Variants in BRD3OS observed in about 807,000 individuals in gnomAD.
The protein encoded by BRD3OS is BRD3 opposite strand.
In BRD3OS at chr9:134,029,184, G is replaced by A. The variant is rs577700326; in HGVS notation, c.*2182G>A. On this transcript the variant is annotated 3_prime_UTR_variant, in exon 3 of 3. Transcript: ENST00000603928. ...GCCTGGGAAGAAAGCAAACTCCAGA[G>A]GCAAATCTGGAATGCCTGTGTGCCA... is the stretch of plus-strand genomic sequence containing the variant. 20 of 152,448 alleles carry A rather than the reference G, an allele frequency of 1.3e-4. No homozygotes were observed. Among genetic ancestry groups the A allele is most frequent in the African/African-American group, 4.3e-4 (18 of 41,590 alleles). The allele number at this position is 152,448 out of a possible 1,614,324, so 9.4% of individuals were successfully genotyped here. A position where few individuals can be genotyped will look rare whatever the true frequency, so the allele number is the denominator to read the frequency against.
In BRD3OS at chr9:134,031,214, G is replaced by A. The variant is rs1036194728; in HGVS notation, c.*4212G>A. The A allele has an allele frequency of 3.2e-5, 7 of 218,784 alleles. No homozygotes were observed. The Admixed American group carries it at 4.1e-4, about 13-fold the overall frequency. 13.6% of individuals were successfully genotyped at this position (218,784 alleles called of 1,614,324 possible). ...ACGCCACCGTCACAGAGAACCAGCCGAGAAGGAAAGGCCCCACGATGCTCC... is the reference window on the plus strand; with the variant it reads ...ACGCCACCGTCACAGAGAACCAGCCAAGAAGGAAAGGCCCCACGATGCTCC... On this transcript the variant is annotated 3_prime_UTR_variant, in exon 3 of 3. Transcript: ENST00000603928.
chr9:134,030,910 T>A lies in BRD3OS; in HGVS notation c.*3908T>A, dbSNP rs913284950. On this transcript the variant is annotated 3_prime_UTR_variant, in exon 3 of 3. Coordinates refer to ENST00000603928, the MANE Select transcript of BRD3OS (RefSeq NM_001355256.2). ...TACTCCTCTCCCCTTGAAAAAAGCA[T>A]GTTAGAAGCTGCCCTACAGGTCTCA... 4.3e-6 allele frequency: 1 copy of A among 230,906 alleles called. No homozygotes were observed. Among genetic ancestry groups the A allele is most frequent in the Non-Finnish European group, 8.6e-6 (1 of 116,698 alleles). 14.3% of individuals were successfully genotyped at this position (230,906 alleles called of 1,614,324 possible).
At position 134,031,167 on chromosome 9, in the gene BRD3OS, T is replaced by A. The variant is rs913400758; in HGVS notation, c.*4165T>A. On this transcript the variant is annotated 3_prime_UTR_variant, in exon 3 of 3. Coordinates refer to ENST00000603928, the MANE Select transcript of BRD3OS (RefSeq NM_001355256.2). ...TCAGGGTCAGTGGCTTCTTTCTAGA[T>A]GAAAGGAGCAGAGGCGAGCCGACGC... is the stretch of plus-strand genomic sequence containing the variant. The A allele has an allele frequency of 4.0e-5, 9 of 225,298 alleles. No individual in the cohort carries two copies. The highest frequency in any genetic ancestry group is 6.7e-5 in the African/African-American group (3 of 44,766). The allele number at this position is 225,298 out of a possible 1,614,324, so 14.0% of individuals were successfully genotyped here.
Position 134,028,498 on chromosome 9 carries a change from C to G in BRD3OS, c.*1496C>G, listed in dbSNP as rs1277561067. Reference sequence around the variant, plus strand: ...CTGCCTCCTGGGTTCAGGCGATTCTCCTGCCTCAGCCTCCTGAGTAGCTGG... The same window carrying G: ...CTGCCTCCTGGGTTCAGGCGATTCTGCTGCCTCAGCCTCCTGAGTAGCTGG... On this transcript the variant is annotated 3_prime_UTR_variant, in exon 3 of 3. Transcript: ENST00000603928. 6.6e-6 allele frequency: 1 copy of G among 152,292 alleles called. No individual in the cohort carries two copies. Among genetic ancestry groups the G allele is most frequent in the Non-Finnish European group, 1.5e-5 (1 of 68,100 alleles). 9.4% of individuals were successfully genotyped at this position (152,292 alleles called of 1,614,324 possible).
In BRD3OS at chr9:134,031,010, C is replaced by A. The variant is rs143008006; in HGVS notation, c.*4008C>A. On this transcript the variant is annotated 3_prime_UTR_variant, in exon 3 of 3. Coordinates refer to ENST00000603928, the MANE Select transcript of BRD3OS (RefSeq NM_001355256.2). ...ACGGACGTGACTGTCACCCTCAGCCCGCCAGCAAGGGCGCTGAGGAAGTCA... is the reference window on the plus strand; with the variant it reads ...ACGGACGTGACTGTCACCCTCAGCCAGCCAGCAAGGGCGCTGAGGAAGTCA... 4.3e-6 allele frequency: 1 copy of A among 230,926 alleles called. No homozygotes were observed. The highest frequency in any genetic ancestry group is 8.6e-6 in the Non-Finnish European group (1 of 116,646). The allele number at this position is 230,926 out of a possible 1,614,324, so 14.3% of individuals were successfully genotyped here.
In BRD3OS at chr9:134,028,284, C is replaced by T. The variant is rs1323485596; in HGVS notation, c.*1282C>T. 2 of 152,278 alleles carry T rather than the reference C, an allele frequency of 1.3e-5. No individual in the cohort carries two copies. The highest frequency in any genetic ancestry group is 2.9e-5 in the Non-Finnish European group (2 of 68,060). The allele number at this position is 152,278 out of a possible 1,614,324, so 9.4% of individuals were successfully genotyped here. The stretch of plus-strand genomic sequence containing the variant: ...GCTGGGGATGCGTCCCACAGCTCCT[C>T]AGCATGCACACACGGTCACGTGATT... On this transcript the variant is annotated 3_prime_UTR_variant, in exon 3 of 3. Transcript: ENST00000603928.
In BRD3OS at chr9:134,029,668, T is replaced by G. The variant is rs1438004631; in HGVS notation, c.*2666T>G. 1 of 152,300 alleles carries G rather than the reference T, an allele frequency of 6.6e-6. No individual in the cohort carries two copies. Among genetic ancestry groups the G allele is most frequent in the Admixed American group, 6.5e-5 (1 of 15,290 alleles). 9.4% of individuals were successfully genotyped at this position (152,300 alleles called of 1,614,324 possible). ...TGCACGCCAGCCTCCAGTCTGGCAGTTAAACCTCACTATGAAAATCTGCTT... is the reference window on the plus strand; with the variant it reads ...TGCACGCCAGCCTCCAGTCTGGCAGGTAAACCTCACTATGAAAATCTGCTT... On this transcript the variant is annotated 3_prime_UTR_variant, in exon 3 of 3. Transcript: ENST00000603928.
rs1345609188 is a variant in BRD3OS at position 134,028,377 on chromosome 9, T to A, written c.*1375T>A. The A allele has an allele frequency of 6.6e-6, 1 of 152,254 alleles. No individual in the cohort carries two copies. Among genetic ancestry groups the A allele is most frequent in the Non-Finnish European group, 1.5e-5 (1 of 68,080 alleles). The allele number at this position is 152,254 out of a possible 1,614,324, so 9.4% of individuals were successfully genotyped here. A position where few individuals can be genotyped will look rare whatever the true frequency, so the allele number is the denominator to read the frequency against. ...TTCTTTCTTGCTCAACTGTACAGAC[T>A]GGGCATTCACTTAATGCTTTTCTTT... On this transcript the variant is annotated 3_prime_UTR_variant, in exon 3 of 3. Coordinates refer to ENST00000603928, the MANE Select transcript of BRD3OS (RefSeq NM_001355256.2).
chr9:134,026,987 T>G lies in BRD3OS; in HGVS notation c.240T>G (p.Phe80Leu), dbSNP rs1843437320. 2.5e-6 allele frequency: 1 copy of G among 398,760 alleles called. No individual in the cohort carries two copies. Among genetic ancestry groups the G allele is most frequent in the Non-Finnish European group, 4.4e-6 (1 of 226,084 alleles). 24.7% of individuals were successfully genotyped at this position (398,760 alleles called of 1,614,324 possible). A position where few individuals can be genotyped will look rare whatever the true frequency, so the allele number is the denominator to read the frequency against. Residue 80 changes from phenylalanine to leucine, a missense_variant, in exon 3 of 3, where the codon TTT (phenylalanine) becomes TTG (leucine). Transcript: ENST00000603928. This position sits in a 1 kb window ranked among gnomAD's most constrained non-coding sequence, Gnocchi z 4.4. ...EVSRDTGQSK[F>L]CTIM Reference sequence around the variant, plus strand: ...CTAGGGACACAGGGCAGTCCAAGTTTTGCACAATTATGTAATTCCGATGTG... The same window carrying G: ...CTAGGGACACAGGGCAGTCCAAGTTGTGCACAATTATGTAATTCCGATGTG...
rs986573454 is a variant in BRD3OS at position 134,031,354 on chromosome 9, G to A, written c.*4352G>A. 1.9e-5 allele frequency: 4 copies of A among 207,998 alleles called. No individual in the cohort carries two copies. The highest frequency in any genetic ancestry group is 1.8e-4 in the Admixed American group (3 of 16,846). 12.9% of individuals were successfully genotyped at this position (207,998 alleles called of 1,614,324 possible). ...GCGCCCCCCAGCCCCAGGCACCCCC[G>A]GCTTAGGGTGTACGTATCACCCAGC... On this transcript the variant is annotated 3_prime_UTR_variant, in exon 3 of 3. Transcript: ENST00000603928.
rs953573762 is a variant in BRD3OS, at chr9:134,027,206, C to T, written c.*204C>T. The stretch of plus-strand genomic sequence containing the variant: ...GCCGCGGTGTGACTGGTGCACAGGA[C>T]ACTTCCCCTCTAGAGTCCCCTCCGT... On this transcript the variant is annotated 3_prime_UTR_variant, in exon 3 of 3. Transcript: ENST00000603928. The T allele has an allele frequency of 2.7e-6, 1 of 365,796 alleles. No individual in the cohort carries two copies. The highest frequency in any genetic ancestry group is 4.9e-6 in the Non-Finnish European group (1 of 205,988). The allele number at this position is 365,796 out of a possible 1,614,324, so 22.7% of individuals were successfully genotyped here.
rs1843466328 is a variant in BRD3OS, at chr9:134,028,690, A to G, written c.*1688A>G. 2 of 152,284 alleles carry G rather than the reference A, an allele frequency of 1.3e-5. No individual in the cohort carries two copies. Among genetic ancestry groups the G allele is most frequent in the Admixed American group, 1.3e-4 (2 of 15,278 alleles). 9.4% of individuals were successfully genotyped at this position (152,284 alleles called of 1,614,324 possible). On this transcript the variant is annotated 3_prime_UTR_variant, in exon 3 of 3. Coordinates refer to ENST00000603928, the MANE Select transcript of BRD3OS (RefSeq NM_001355256.2). ...AGGCGTGAGCCACCGCACCCGGCCC[A>G]CTTCATGCTTTTAACCTCTGACTCG...
Position 134,025,962 on chromosome 9 carries a change from C to T in BRD3OS, c.-669C>T, listed in dbSNP as rs1396118217. The T allele has an allele frequency of 6.6e-6, 1 of 152,222 alleles. No individual in the cohort carries two copies. The highest frequency in any genetic ancestry group is 1.9e-4 in the East Asian group (1 of 5,178). The allele number at this position is 152,222 out of a possible 1,614,324, so 9.4% of individuals were successfully genotyped here. A position where few individuals can be genotyped will look rare whatever the true frequency, so the allele number is the denominator to read the frequency against. On this transcript the variant is annotated 5_prime_UTR_variant, in exon 2 of 3. Coordinates refer to ENST00000603928, the MANE Select transcript of BRD3OS (RefSeq NM_001355256.2). ...CCCGCGCCCTTTCAAGCGCCGCTGG[C>T]TCCTGTTTCACAGATGGAGACCCTG...
rs1843498221 is a variant in BRD3OS at position 134,030,660 on chromosome 9, T to G, written c.*3658T>G. The stretch of plus-strand genomic sequence containing the variant: ...CTCTGGATGTGACAAATTCTGTATG[T>G]GGGTGTTACTCTTTCCCAAAAGACT... On this transcript the variant is annotated 3_prime_UTR_variant, in exon 3 of 3. Coordinates refer to ENST00000603928, the MANE Select transcript of BRD3OS (RefSeq NM_001355256.2). The G allele has an allele frequency of 4.4e-6, 1 of 229,374 alleles. No homozygotes were observed. Among genetic ancestry groups the G allele is most frequent in the Admixed American group, 5.7e-5 (1 of 17,626 alleles). The allele number at this position is 229,374 out of a possible 1,614,324, so 14.2% of individuals were successfully genotyped here.
chr9:134,026,615 T>C lies in BRD3OS; in HGVS notation c.-133T>C. 1 of 396,246 alleles carries C rather than the reference T, an allele frequency of 2.5e-6. No homozygotes were observed. Among genetic ancestry groups the C allele is most frequent in the Non-Finnish European group, 4.4e-6 (1 of 225,128 alleles). The allele number at this position is 396,246 out of a possible 1,614,324, so 24.5% of individuals were successfully genotyped here. On this transcript the variant is annotated 5_prime_UTR_variant, in exon 3 of 3. Transcript: ENST00000603928. The surrounding 1 kb of genome is among the most constrained non-coding windows in gnomAD (Gnocchi z 4.4). The stretch of plus-strand genomic sequence containing the variant: ...GACGTTGCCTGCAAATGGGCGGAAT[T>C]CCTAATTTCTACCATTCAGTTAAAC...
Position 134,030,664 on chromosome 9 carries a change from T to C in BRD3OS, c.*3662T>C, listed in dbSNP as rs961658457. 1 of 229,496 alleles carries C rather than the reference T, an allele frequency of 4.4e-6. No homozygotes were observed. 14.2% of individuals were successfully genotyped at this position (229,496 alleles called of 1,614,324 possible). A position where few individuals can be genotyped will look rare whatever the true frequency, so the allele number is the denominator to read the frequency against. On this transcript the variant is annotated 3_prime_UTR_variant, in exon 3 of 3. Transcript: ENST00000603928. The stretch of plus-strand genomic sequence containing the variant: ...GGATGTGACAAATTCTGTATGTGGG[T>C]GTTACTCTTTCCCAAAAGACTGTCA...
In BRD3OS at chr9:134,027,088, C is replaced by T. The variant is rs1843438706; in HGVS notation, c.*86C>T. The stretch of plus-strand genomic sequence containing the variant: ...TCAGTTGTCTTGTTGATTTCCAATC[C>T]TTGCTGGAAGATTTTGAATAATGAA... On this transcript the variant is annotated 3_prime_UTR_variant, in exon 3 of 3. Coordinates refer to ENST00000603928, the MANE Select transcript of BRD3OS (RefSeq NM_001355256.2). 1 of 397,786 alleles carries T rather than the reference C, an allele frequency of 2.5e-6. No individual in the cohort carries two copies. Among genetic ancestry groups the T allele is most frequent in the East Asian group, 3.6e-5 (1 of 28,084 alleles). 24.6% of individuals were successfully genotyped at this position (397,786 alleles called of 1,614,324 possible). A position where few individuals can be genotyped will look rare whatever the true frequency, so the allele number is the denominator to read the frequency against.
rs979530723 is a variant in BRD3OS, at chr9:134,029,660, T to A, written c.*2658T>A. ...AGCCGCGCTGCACGCCAGCCTCCAGTCTGGCAGTTAAACCTCACTATGAAA... is the reference window on the plus strand; with the variant it reads ...AGCCGCGCTGCACGCCAGCCTCCAGACTGGCAGTTAAACCTCACTATGAAA... On this transcript the variant is annotated 3_prime_UTR_variant, in exon 3 of 3. Coordinates refer to ENST00000603928, the MANE Select transcript of BRD3OS (RefSeq NM_001355256.2). The A allele has an allele frequency of 2.0e-5, 3 of 152,302 alleles. No individual in the cohort carries two copies. The highest frequency in any genetic ancestry group is 1.3e-4 in the Admixed American group (2 of 15,286). The allele number at this position is 152,302 out of a possible 1,614,324, so 9.4% of individuals were successfully genotyped here.
chr9:134,030,304 CTTTTT>C lies in BRD3OS; in HGVS notation c.*3319_*3323del, dbSNP rs60558736. On this transcript the variant is annotated 3_prime_UTR_variant, in exon 3 of 3. Transcript: ENST00000603928. ...GGAAAATGCAAAAAAAAAAAACAGT[CTTTTT>C]TTTTTTTTTTTTTTTTGCTTTTTAT... 15 of 78,088 alleles carry C rather than the reference CTTTTT, an allele frequency of 1.9e-4. No individual in the cohort carries two copies. The highest frequency in any genetic ancestry group is 1.6e-3 in the East Asian group (4 of 2,538). 4.8% of individuals were successfully genotyped at this position (78,088 alleles called of 1,614,324 possible). A position where few individuals can be genotyped will look rare whatever the true frequency, so the allele number is the denominator to read the frequency against.
Sources: allele counts gnomAD v4.1 joint callset, GRCh38; gene constraint gnomAD v4.1.1; non-coding constraint Gnocchi (gnomAD v3.1); transcripts MANE v1.5; gene names NCBI Gene and HGNC (gene_info 2026-07-23, HGNC 2026-07-21).